ASIC1: variants seen among roughly 807,000 people sequenced by gnomAD.
ASIC1 encodes the protein acid-sensing ion channel 1.
In ASIC1, 21 loss-of-function variants were observed where a neutral mutation model predicts 63.4. The observed-to-expected ratio is 0.33, with a 90% confidence interval of 0.23 to 0.48. ASIC1 has a LOEUF of 0.48. ASIC1 is among the 20% of genes least tolerant of loss of function. The pLI, the probability that ASIC1 is intolerant of heterozygous loss-of-function variation, is 0.99. For missense variants in ASIC1, 478 were observed against 695.5 expected (o/e 0.69, Z 3.52); for synonymous variants, 258 against 278.2 (o/e 0.93, Z 0.72).
At chr12:50,065,635 G>C (rs1441271358) in intron 3 of ASIC1, among the ~76,000 whole-genome samples, 2 of 152,230 alleles carry the variant, frequency 1.3e-5, no homozygotes, top group African/African-American at 4.8e-5. Flanking sequence ...TTAAGGAACT[G>C]TAAGGACAGA....
chr12:50,073,993 A>G (rs1699062570), intron 3 of ASIC1: 1 of 1,535,518 alleles, frequency 6.5e-7, no homozygotes, highest in African/African-American at 1.4e-5. Flanking sequence ...CCCGGCAGTC[A>G]CCCTCTGCAA....
At position 50,078,991 on chromosome 12, in the gene ASIC1, C is replaced by T. The variant is rs1950687259; in HGVS notation, c.1051+11C>T. On this transcript the variant is annotated intron_variant, in intron 7 of 11. Transcript: ENST00000447966. This position sits in a 1 kb window ranked among gnomAD's most constrained non-coding sequence, Gnocchi z 6.0. ...CAGATCCTGCTCTGGGTGAGCGCCC[C>T]TGGCCTGGGGCAGTCTGGGGGAGGG... 1 of 1,613,400 alleles carries T rather than the reference C, an allele frequency of 6.2e-7. No homozygotes were observed. The highest frequency in any genetic ancestry group is 1.7e-5 in the Admixed American group (1 of 59,976).
chr12:50,077,113 A>G, intron 3 of ASIC1, 100 bp from the exon 4 acceptor site: 1 of 1,577,656 alleles, frequency 6.3e-7, no homozygotes, highest in African/African-American at 1.3e-5. Flanking sequence ...ACCATTCCCA[A>G]AGGGTGTTGA....
Position 50,074,470 on chromosome 12 carries a change from T to C in ASIC1, c.559-2743T>C, listed in dbSNP as rs1456457415. Among the ~76,000 whole-genome samples, 1 of 152,192 alleles carries C rather than the reference T, an allele frequency of 6.6e-6. No homozygotes were observed. Among genetic ancestry groups the C allele is most frequent in the East Asian group, 1.9e-4 (1 of 5,186 alleles). On this transcript the variant is annotated intron_variant, in intron 3 of 11. Coordinates refer to ENST00000447966, the MANE Select transcript of ASIC1 (RefSeq NM_001095.4). This position sits in a 1 kb window ranked among gnomAD's most constrained non-coding sequence, Gnocchi z 4.2. Reference sequence around the variant, plus strand: ...CAGTGCTGCTTTTCCTGTTAGAATCTTGAAACACGTCTGTCTTAGTTGGTA... The same window carrying C: ...CAGTGCTGCTTTTCCTGTTAGAATCCTGAAACACGTCTGTCTTAGTTGGTA...
chr12:50,060,612 C>A (rs1051926011), intron 3 of ASIC1, among the ~76,000 whole-genome samples: 2 of 152,220 alleles, frequency 1.3e-5, no homozygotes, highest in African/African-American at 4.8e-5. Flanking sequence ...GAAAGGAAGG[C>A]CATCGGGACA....
intron 3 of ASIC1, among the ~76,000 whole-genome samples, chr12:50,069,407 C>A (rs1020751278): frequency 6.6e-6 from 1 of 152,088 alleles, no homozygotes; most frequent in African/African-American, 2.4e-5. Flanking sequence ...AAGTCTCATG[C>A]CTCAGCCTCC....
intron 3 of ASIC1, among the ~76,000 whole-genome samples, chr12:50,064,409 C>G (rs1950528172): frequency 6.6e-6 from 1 of 152,144 alleles, no homozygotes; most frequent in African/African-American, 2.4e-5. Flanking sequence ...TTCAGGTAGC[C>G]CAATTTCCTC....
chr12:50,060,643 A>G (rs1950493174), intron 3 of ASIC1, among the ~76,000 whole-genome samples: 2 of 152,162 alleles, frequency 1.3e-5, no homozygotes, highest in South Asian at 4.1e-4. Context: ...GCTGCCCTGG[A>G]GGCTTCCTTT....
At chr12:50,079,771 C>A in intron 7 of ASIC1, 131 bp from the exon 8 acceptor site, 1 of 1,128,622 alleles carries the variant, frequency 8.9e-7, no homozygotes, top group Non-Finnish European at 1.3e-6. Flanking sequence ...AGCATCCAGG[C>A]AGGGTGAAGG....
chr12:50,081,032 A>G (rs1045283820), intron 9 of ASIC1, 70 bp from the exon 10 acceptor site: 16 of 1,364,724 alleles, frequency 1.2e-5, no homozygotes, highest in Non-Finnish European at 1.4e-5. Context: ...TGCCTGCCCC[A>G]GTCCCAGTAA....
At chr12:50,072,059 G>A (rs1191847912) in intron 3 of ASIC1, among the ~76,000 whole-genome samples, 4 of 152,178 alleles carry the variant, frequency 2.6e-5, no homozygotes, top group Admixed American at 2.6e-4. Context: ...GCAAAGCTGA[G>A]GCCAAAGGTT....
rs779085870 is a variant in ASIC1, at chr12:50,059,007, G to T, written c.241G>T (p.Ala81Ser). The change falls in exon 2 of 12, where the codon GCT (alanine) becomes TCT (serine). Residue 81 changes from alanine to serine, a missense_variant. Physicochemically the swap from Ala to Ser is moderately conservative, Grantham distance 99. Transcript: ENST00000447966. This position sits in a 1 kb window ranked among gnomAD's most constrained non-coding sequence, Gnocchi z 4.6. ...CCATGTCACCAAGCTCGACGAGGTG[G>T]CTGCCTCTCAGCTTACCTTCCCTGC... ...YHHVTKLDEV[A>S]ASQLTFPAVT... 8.7e-6 allele frequency: 14 copies of T among 1,614,060 alleles called. No homozygotes were observed. Among genetic ancestry groups the T allele is most frequent in the Non-Finnish European group, 1.2e-5 (14 of 1,180,038 alleles).
intron 3 of ASIC1, among the ~76,000 whole-genome samples, chr12:50,063,174 G>C (rs1340079171): frequency 6.6e-6 from 1 of 152,126 alleles, no homozygotes; most frequent in African/African-American, 2.4e-5. Context: ...GGCCAGCCAG[G>C]CCAAGGCAGG....
Position 50,059,775 on chromosome 12 carries a change from A to G in ASIC1, c.379A>G (p.Thr127Ala), listed in dbSNP as rs554845072. ...LLNNRYEIPD[T>A]QMADEKQLEI... Reference sequence around the variant, plus strand: ...GGACCCCAGGTATGAGATACCAGACACACAGATGGCAGATGAAAAGCAGCT... The same window carrying G: ...GGACCCCAGGTATGAGATACCAGACGCACAGATGGCAGATGAAAAGCAGCT... The change falls in exon 3 of 12, where the codon ACA becomes GCA. Residue 127 changes from threonine to alanine, a missense_variant. Coordinates refer to ENST00000447966, the MANE Select transcript of ASIC1 (RefSeq NM_001095.4). The surrounding 1 kb of genome is among the most constrained non-coding windows in gnomAD (Gnocchi z 4.6). 1.9e-5 allele frequency: 30 copies of G among 1,613,666 alleles called. No individual in the cohort carries two copies. The South Asian group carries it at 3.0e-4, about 16-fold the overall frequency.
chr12:50,081,125 C>T lies in ASIC1; in HGVS notation c.1321C>T (p.Leu441=). 32 of 1,610,942 alleles carry T rather than the reference C, an allele frequency of 2.0e-5. No individual in the cohort carries two copies. The highest frequency in any genetic ancestry group is 2.6e-5 in the Non-Finnish European group (31 of 1,178,922). The part of the protein sequence containing the change: ...LLGDIGGQMG[L]FIGASILTVL... Reference sequence around the variant, plus strand: ...AGGTGACATCGGGGGCCAGATGGGGCTGTTCATCGGGGCCAGCATCCTCAC... The same window carrying T: ...AGGTGACATCGGGGGCCAGATGGGGTTGTTCATCGGGGCCAGCATCCTCAC... The change falls in exon 10 of 12, where the codon CTG becomes TTG. Residue 441 remains leucine (L), a synonymous_variant. Transcript: ENST00000447966.
chr12:50,080,647 A>C, intron 9 of ASIC1, 58 bp downstream of exon 9: 1 of 1,614,112 alleles, frequency 6.2e-7, no homozygotes, highest in African/African-American at 1.3e-5. Flanking sequence ...GTGGCTCCCT[A>C]TCATCCAAAA....
chr12:50,079,301 C>T (rs548126686), intron 7 of ASIC1, among the ~76,000 whole-genome samples: 2 of 152,144 alleles, frequency 1.3e-5, no homozygotes, highest in South Asian at 2.1e-4. Context: ...CTAGTCCCAG[C>T]TACTCTGGAG....
intron 8 of ASIC1, 77 bp downstream of exon 8, chr12:50,080,132 G>C (rs182667019): frequency 1.3e-6 from 2 of 1,525,658 alleles, no homozygotes; most frequent in African/African-American, 2.8e-5. Flanking sequence ...GATGGGGGCG[G>C]GGGCTGGCAG....
rs772812369 is a variant in ASIC1, at chr12:50,074,618, C to T, written c.559-2595C>T. Among the ~76,000 whole-genome samples, 16 of 152,126 alleles carry T rather than the reference C, an allele frequency of 1.1e-4. No individual in the cohort carries two copies. The highest frequency in any genetic ancestry group is 2.0e-4 in the Admixed American group (3 of 15,278). On this transcript the variant is annotated intron_variant, in intron 3 of 11. Coordinates refer to ENST00000447966, the MANE Select transcript of ASIC1 (RefSeq NM_001095.4). This position sits in a 1 kb window ranked among gnomAD's most constrained non-coding sequence, Gnocchi z 4.2. ...GGTCAACCTTTGATCTGTTGGTGGA[C>T]GCCAGTGCCTGGCCAGTTGTTCACT...
Sources: gnomAD v4.1 joint callset for allele counts (sites outside exome capture counted in the v4.1 genomes callset) on GRCh38, gnomAD v4.1.1 for gene constraint, Gnocchi (gnomAD v3.1) non-coding constraint, MANE v1.5 for transcripts, NCBI Gene and HGNC (gene_info 2026-07-23, HGNC 2026-07-21) for gene names.